HECW1: variants seen among roughly 807,000 people sequenced by gnomAD.
HECW1 encodes the protein E3 ubiquitin-protein ligase HECW1.
A neutral mutation model predicts 182.3 loss-of-function variants in HECW1; 61 were observed. That is an observed-to-expected ratio of 0.33 (90% confidence interval 0.27 to 0.41). The LOEUF (loss-of-function observed/expected upper bound fraction) is 0.41. HECW1 is among the 10% of genes least tolerant of loss of function. The probability of loss-of-function intolerance (pLI) is 1.00; values close to 1 mark genes in which losing one functional copy is unlikely to be tolerated. For missense variants in HECW1, 1,739 were observed against 2,108.9 expected, an observed-to-expected ratio of 0.82 and a Z score of 3.44; for synonymous variants, 859 against 832.6, an observed-to-expected ratio of 1.03 and a Z score of -0.55.
At chr7:43,541,565 G>A (rs2081364382) in intron 25 of HECW1, among the ~76,000 whole-genome samples, 1 of 152,120 alleles carries the variant, frequency 6.6e-6, no homozygotes, top group South Asian at 2.1e-4. Flanking sequence ...CTGTTAAGTA[G>A]AACTGATCTG....
At chr7:43,430,845 GATCTCGGCTC>G (rs1293328603) in intron 8 of HECW1, among the ~76,000 whole-genome samples, 1 of 144,290 alleles carries the variant, frequency 6.9e-6, no homozygotes, top group Non-Finnish European at 1.5e-5. Context: ...GCAGTGGGGT[GATCTCGGCTC>G]ACCACAACCT....
intron 27 of HECW1, among the ~76,000 whole-genome samples, chr7:43,551,950 A>G (rs1458647872): frequency 6.8e-6 from 1 of 146,950 alleles, no homozygotes; most frequent in African/African-American, 2.5e-5. Context: ...TAATAAAAGC[A>G]TGAAGCTCTC....
At chr7:43,193,586 T>TGA (rs1794151638) in intron 2 of HECW1, among the ~76,000 whole-genome samples, 2 of 152,130 alleles carry the variant, frequency 1.3e-5, no homozygotes, top group Admixed American at 1.3e-4. Context: ...TTCACCATCT[T>TGA]GGCCAGGCTG....
rs1206638883 is a variant in HECW1, at chr7:43,552,161, T to C, written c.4396-61T>C. On this transcript the variant is annotated intron_variant, in intron 27 of 29. Transcript: ENST00000395891. ...CCCAGTTTAACCCACATAAATATAA[T>C]AATGAACATAGCCTTTCCATGTGTT... is the stretch of plus-strand genomic sequence containing the variant. 1.0e-5 allele frequency: 10 copies of C among 986,118 alleles called. No individual in the cohort carries two copies. In the East Asian group the frequency reaches 2.4e-4, roughly 23 times the overall value. The allele number at this position is 986,118 out of a possible 1,614,324, so 61.1% of individuals were successfully genotyped here.
At chr7:43,340,242 A>ATGTCTGATTGCTTTGTTC (rs1812796137) in intron 5 of HECW1, among the ~76,000 whole-genome samples, 5 of 113,462 alleles carry the variant, frequency 4.4e-5, no homozygotes, top group African/African-American at 1.8e-4. Flanking sequence ...TTTTTCTAAG[A>ATGTCTGATTGCTTTGTTC]CGGAGTATCG....
In HECW1 at chr7:43,444,805, G is replaced by T. The variant is rs773942584; in HGVS notation, c.1633G>T (p.Val545Leu). 11 of 1,614,100 alleles carry T rather than the reference G, an allele frequency of 6.8e-6. No individual in the cohort carries two copies. In the South Asian group the frequency reaches 1.2e-4, roughly 18 times the overall value. Reference sequence around the variant, plus strand: ...CTTGCCTGTGTCCGAGCTGGAGACGGTGATCGCGTCAGCCTGCGGGGACCC... The same window carrying T: ...CTTGCCTGTGTCCGAGCTGGAGACGTTGATCGCGTCAGCCTGCGGGGACCC... ...CSLPVSELET[V>L]IASACGDPET... Residue 545 changes from valine (V) to leucine (L), a missense_variant, in exon 11 of 30, where the codon GTG becomes TTG. Around this residue, in one of 5 missense-constraint regions of HECW1, gnomAD observed 971 missense variants for 1,029.1 expected, o/e 0.94. Transcript: ENST00000395891. The surrounding 1 kb of genome is among the most constrained non-coding windows in gnomAD (Gnocchi z 4.3).
chr7:43,532,987 G>T (rs1302207021), intron 24 of HECW1, among the ~76,000 whole-genome samples: 1 of 152,160 alleles, frequency 6.6e-6, no homozygotes, highest in African/African-American at 2.4e-5. Flanking sequence ...ATCATCACCT[G>T]TTTAGATATA....
chr7:43,462,255 A>G (rs2077611843), intron 13 of HECW1, among the ~76,000 whole-genome samples: 1 of 151,956 alleles, frequency 6.6e-6, no homozygotes, highest in Non-Finnish European at 1.5e-5. Context: ...AGTCTCCAGG[A>G]AAGTCTCCAG....
chr7:43,492,271 C>A, intron 18 of HECW1, 91 bp downstream of exon 18: 1 of 866,950 alleles, frequency 1.2e-6, no homozygotes, highest in Non-Finnish European at 1.8e-6. Context: ...TTGTCATGAA[C>A]CCTTTACTAT....
chr7:43,509,393 T>C (rs1426604698), intron 24 of HECW1: 2 of 316,658 alleles, frequency 6.3e-6, no homozygotes, highest in Non-Finnish European at 1.2e-5. Flanking sequence ...TCAGTAGACA[T>C]AGGTCATGAA....
rs537047781 is a variant in HECW1 at position 43,370,990 on chromosome 7, C to T, written c.555+10010C>T. ...GCAAGCTCCACTTCCTGGGTTCTCG[C>T]GATTCTACTGCCTCAGCCTCCCGAG... On this transcript the variant is annotated intron_variant, in intron 6 of 29. Transcript: ENST00000395891. Among the ~76,000 whole-genome samples, 276 of 151,662 alleles carry T rather than the reference C, an allele frequency of 1.8e-3. 1 individual carries two copies. The highest frequency in any genetic ancestry group is 3.7e-3 in the Admixed American group (56 of 15,250).
chr7:43,275,607 A>G (rs983682514), intron 3 of HECW1, among the ~76,000 whole-genome samples: 2 of 151,974 alleles, frequency 1.3e-5, no homozygotes, highest in African/African-American at 4.8e-5. Context: ...TGCACTAATC[A>G]CCTCCCCAAA....
At chr7:43,439,701 C>T (rs374113162) in intron 9 of HECW1, 7 of 152,666 alleles carry the variant, frequency 4.6e-5, no homozygotes, top group African/African-American at 1.7e-4. Context: ...GAGTTCTCTC[C>T]TAAGTCCAAG....
At chr7:43,273,801 C>T (rs189036309) in intron 3 of HECW1, among the ~76,000 whole-genome samples, 188 of 150,666 alleles carry the variant, frequency 1.2e-3, no homozygotes, top group African/African-American at 4.3e-3. Flanking sequence ...TTTACAACAA[C>T]GGTGGATAAT....
chr7:43,268,978 T>C lies in HECW1; in HGVS notation c.27+25046T>C, dbSNP rs569617481. Among the ~76,000 whole-genome samples, 3 of 152,204 alleles carry C rather than the reference T, an allele frequency of 2.0e-5. No individual in the cohort carries two copies. The East Asian group carries it at 5.8e-4, about 29-fold the overall frequency. On this transcript the variant is annotated intron_variant, in intron 3 of 29. Transcript: ENST00000395891. ...TCTATTTTTTGTAGAGATGGGGTCTTGGTATGTTGCCTAGGCTTATGTTCA... is the reference window on the plus strand; with the variant it reads ...TCTATTTTTTGTAGAGATGGGGTCTCGGTATGTTGCCTAGGCTTATGTTCA...
intron 26 of HECW1, among the ~76,000 whole-genome samples, chr7:43,548,858 C>T (rs937668471): frequency 1.3e-5 from 2 of 152,246 alleles, no homozygotes; most frequent in African/African-American, 2.4e-5. Flanking sequence ...GTGGGAGAAT[C>T]GCTTGAGCTT....
intron 26 of HECW1, among the ~76,000 whole-genome samples, chr7:43,543,781 C>CAAAAAAAAA (rs35618213): frequency 2.0e-5 from 1 of 49,580 alleles, no homozygotes; most frequent in Non-Finnish European, 4.5e-5. Flanking sequence ...CTCCATCTCA[C>CAAAAAAAAA]AAAAAAAAAA....
At chr7:43,494,419 AC>A (rs1244802705) in intron 19 of HECW1, among the ~76,000 whole-genome samples, 1 of 152,146 alleles carries the variant, frequency 6.6e-6, no homozygotes, top group Non-Finnish European at 1.5e-5. Flanking sequence ...AACCAGAGTT[AC>A]CTACGTAAAG....
At chr7:43,389,127 A>G (rs958041054) in intron 6 of HECW1, among the ~76,000 whole-genome samples, 1 of 152,208 alleles carries the variant, frequency 6.6e-6, no homozygotes, top group Admixed American at 6.5e-5. Context: ...AAGTCAGGGA[A>G]AGACAGTTTT....
Sources: gnomAD v4.1 joint callset for allele counts (sites outside exome capture counted in the v4.1 genomes callset) on GRCh38, gnomAD v4.1.1 for gene constraint, gnomAD v4.1.1 regional missense constraint, Gnocchi (gnomAD v3.1) non-coding constraint, MANE v1.5 for transcripts, NCBI Gene and HGNC (gene_info 2026-07-23, HGNC 2026-07-21) for gene names.